JAZF1: variants seen among roughly 807,000 people sequenced by gnomAD.
The protein encoded by JAZF1 is juxtaposed with another zinc finger protein 1.
JAZF1 carries 8 observed loss-of-function variants against 26.4 expected under a neutral mutation model. The ratio of observed to expected loss-of-function variants is 0.30; its 90% CI spans 0.18 to 0.55. The LOEUF (loss-of-function observed/expected upper bound fraction) is 0.55. Among genes scored for constraint, JAZF1 ranks in the 20% least tolerant of loss-of-function variants. The probability of loss-of-function intolerance (pLI) is 0.94; values close to 1 mark genes in which losing one functional copy is unlikely to be tolerated. For synonymous variants in JAZF1, 126 were observed against 122.3 expected (o/e 1.03, Z -0.20); for missense variants, 199 against 322.0 (o/e 0.62, Z 2.92).
In JAZF1 at chr7:27,831,808, G is replaced by A. The variant is rs1198087617; in HGVS notation, c.*992C>T. The stretch of plus-strand genomic sequence containing the variant: ...TTTAGTTCTGATTTGCAACCCACAG[G>A]TTTGGTAGGGCAGTGGTTGCAAGAA... On this transcript the variant is annotated 3_prime_UTR_variant, in exon 5 of 5. Coordinates refer to ENST00000283928, the MANE Select transcript of JAZF1 (RefSeq NM_175061.4). The A allele has an allele frequency of 4.5e-6, 1 of 220,610 alleles. No individual in the cohort carries two copies. Among genetic ancestry groups the A allele is most frequent in the African/African-American group, 2.2e-5 (1 of 44,624 alleles). The allele number at this position is 220,610 out of a possible 1,614,324, so 13.7% of individuals were successfully genotyped here.
At chr7:27,984,723 C>T (rs551151538) in intron 2 of JAZF1, among the ~76,000 whole-genome samples, 7 of 152,186 alleles carry the variant, frequency 4.6e-5, no homozygotes, top group East Asian at 1.9e-4. Flanking sequence ...CCTCAGCAAA[C>T]GTAAAAGAAC....
intron 1 of JAZF1, among the ~76,000 whole-genome samples, chr7:28,017,329 C>T (rs959841576): frequency 9.3e-5 from 13 of 140,378 alleles, no homozygotes; most frequent in African/African-American, 3.2e-4. Flanking sequence ...CCAGCCTAGG[C>T]GACAGTGAGA....
chr7:27,945,218 G>C (rs1450228277), intron 2 of JAZF1, among the ~76,000 whole-genome samples: 1 of 152,078 alleles, frequency 6.6e-6, no homozygotes, highest in Non-Finnish European at 1.5e-5. Flanking sequence ...AGTAAATCCA[G>C]AAGCCGTGAT....
chr7:28,043,525 C>T (rs1283633332), intron 1 of JAZF1, among the ~76,000 whole-genome samples: 1 of 152,176 alleles, frequency 6.6e-6, no homozygotes, highest in African/African-American at 2.4e-5. Context: ...TTTTCAGAAA[C>T]ACTGTGAGTT....
chr7:27,867,987 G>C (rs1783507728), intron 3 of JAZF1, among the ~76,000 whole-genome samples: 1 of 152,162 alleles, frequency 6.6e-6, no homozygotes, highest in Admixed American at 6.5e-5. Flanking sequence ...TGACCGACTA[G>C]CCTGGGTTCC....
chr7:27,923,949 G>A (rs1238819363), intron 2 of JAZF1, among the ~76,000 whole-genome samples: 5 of 152,146 alleles, frequency 3.3e-5, no homozygotes, highest in Admixed American at 1.3e-4. Context: ...GTTGTTTAAC[G>A]TTCACTCACA....
chr7:27,859,835 T>C (rs1341284317), intron 3 of JAZF1, among the ~76,000 whole-genome samples: 2 of 152,190 alleles, frequency 1.3e-5, no homozygotes, highest in African/African-American at 4.8e-5. Flanking sequence ...AACCTGCACG[T>C]TCTGCACATG....
chr7:28,151,620 G>T (rs1783113005), intron 1 of JAZF1, among the ~76,000 whole-genome samples: 1 of 151,596 alleles, frequency 6.6e-6, no homozygotes, highest in African/African-American at 2.4e-5. Flanking sequence ...GACCAACATG[G>T]TGAAACCCTG....
At chr7:27,836,885 A>G (rs927018050) in intron 4 of JAZF1, among the ~76,000 whole-genome samples, 3 of 152,204 alleles carry the variant, frequency 2.0e-5, no homozygotes, top group Non-Finnish European at 4.4e-5. Flanking sequence ...AACACAGAAG[A>G]GGATAAAAAA....
At chr7:27,913,801 T>A (rs1469231473) in intron 2 of JAZF1, among the ~76,000 whole-genome samples, 2 of 152,180 alleles carry the variant, frequency 1.3e-5, no homozygotes, top group Non-Finnish European at 2.9e-5. Flanking sequence ...AGTGAGTTGT[T>A]ACCTAGCAGG....
At chr7:27,927,275 G>A (rs1784615906) in intron 2 of JAZF1, among the ~76,000 whole-genome samples, 1 of 152,078 alleles carries the variant, frequency 6.6e-6, no homozygotes, top group Admixed American at 6.6e-5. Context: ...TTTCTTCCCT[G>A]CACTTCTATT....
intron 1 of JAZF1, among the ~76,000 whole-genome samples, chr7:28,110,599 A>C (rs1258995884): frequency 9.3e-6 from 1 of 108,102 alleles, no homozygotes; most frequent in Non-Finnish European, 1.8e-5. Flanking sequence ...AGGAAAAGGA[A>C]AAGGAAAAGG....
intron 2 of JAZF1, among the ~76,000 whole-genome samples, chr7:27,943,501 G>A (rs1583473587): frequency 6.6e-6 from 1 of 152,180 alleles, no homozygotes; most frequent in East Asian, 1.9e-4. Flanking sequence ...GAAATAACGT[G>A]CTCCCTCTTC....
At chr7:28,125,873 G>C (rs1387921972) in intron 1 of JAZF1, among the ~76,000 whole-genome samples, 1 of 152,154 alleles carries the variant, frequency 6.6e-6, no homozygotes, top group Admixed American at 6.5e-5. Context: ...GACAGATGAT[G>C]TTTTCAGCTT....
At chr7:27,854,203 C>A (rs1346175165) in intron 3 of JAZF1, among the ~76,000 whole-genome samples, 1 of 152,114 alleles carries the variant, frequency 6.6e-6, no homozygotes, top group Non-Finnish European at 1.5e-5. Flanking sequence ...CCCTGCTTTT[C>A]TTTACTTTCC....
chr7:27,897,203 A>G (rs1371308454), intron 2 of JAZF1, among the ~76,000 whole-genome samples: 1 of 152,140 alleles, frequency 6.6e-6, no homozygotes, highest in Non-Finnish European at 1.5e-5. Context: ...TGCTTCCAGG[A>G]AGGCCGATTG....
chr7:27,838,106 C>G (rs374720244), intron 4 of JAZF1, among the ~76,000 whole-genome samples: 7 of 147,794 alleles, frequency 4.7e-5, no homozygotes, highest in East Asian at 2.0e-4. Context: ...CTTAACTGTT[C>G]TTTGTTGAAG....
chr7:27,842,892 G>T (rs7785045), intron 3 of JAZF1: 27,115 of 152,146 alleles, frequency 0.18, 2,799 homozygotes, highest in Non-Finnish European at 0.23. Flanking sequence ...CATTTAGAAT[G>T]GGGGGAGGGT....
At chr7:27,878,990 T>C (rs1394197126) in intron 3 of JAZF1, among the ~76,000 whole-genome samples, 1 of 152,212 alleles carries the variant, frequency 6.6e-6, no homozygotes, top group African/African-American at 2.4e-5. Flanking sequence ...ACACAAAAGA[T>C]GAACAGGAAG....
Sources: allele counts gnomAD v4.1 joint callset (sites outside exome capture counted in the v4.1 genomes callset), GRCh38; gene constraint gnomAD v4.1.1; transcripts MANE v1.5; gene names NCBI Gene and HGNC (gene_info 2026-07-23, HGNC 2026-07-21).